The following MEIOB variants were observed in gnomAD, a reference collection of about 807,000 sequenced individuals.
MEIOB encodes the protein meiosis specific with OB-fold, also known as meiosis-specific with OB domain-containing protein.
MEIOB carries 50 observed loss-of-function variants against 53.1 expected under a neutral mutation model. The ratio of observed to expected loss-of-function variants is 0.94; its 90% CI spans 0.75 to 1.19. The LOEUF is 1.19. Among genes scored for constraint, MEIOB ranks in the 50% most tolerant of loss-of-function variants. The pLI is 0.00. For synonymous variants in MEIOB, 192 were observed against 182.5 expected, an observed-to-expected ratio of 1.05 and a Z score of -0.42; for missense variants, 551 against 550.8, an observed-to-expected ratio of 1.00 and a Z score of 0.00.
At chr16:1,834,730 C>G (rs1017564619) in intron 13 of MEIOB, among the ~76,000 whole-genome samples, 1 of 151,620 alleles carries the variant, frequency 6.6e-6, no homozygotes, top group Admixed American at 6.6e-5. Flanking sequence ...GTCAGGAGTT[C>G]GAGACCAGCC....
Position 1,853,233 on chromosome 16 carries a change from A to T in MEIOB, c.668T>A (p.Met223Lys). The T allele has an allele frequency of 6.4e-7, 1 of 1,552,344 alleles. No homozygotes were observed. Among genetic ancestry groups the T allele is most frequent in the Non-Finnish European group, 8.7e-7 (1 of 1,146,650 alleles). Residue 223 changes from methionine (M) to lysine (K), a missense_variant, in exon 8 of 14, where the codon ATG becomes AAG. Coordinates refer to ENST00000325962, the MANE Select transcript of MEIOB (RefSeq NM_001163560.3). The stretch of plus-strand genomic sequence containing the variant: ...AATGATAATACCTGTTTCTCGTGGC[A>T]TCCAGCTCTGTGCAAGTAGAATGGA... ...NESILLAQSW[M>K]PRETVIFASD...
intron 4 of MEIOB, among the ~76,000 whole-genome samples, chr16:1,860,676 G>T (rs1899419854): frequency 6.6e-6 from 1 of 152,004 alleles, no homozygotes; most frequent in South Asian, 2.1e-4. Flanking sequence ...ATCTCCATAT[G>T]TAACTAATAT....
chr16:1,854,093 T>C lies in MEIOB; in HGVS notation c.629+7A>G. 10 of 1,503,734 alleles carry C rather than the reference T, an allele frequency of 6.7e-6. No homozygotes were observed. Among genetic ancestry groups the C allele is most frequent in the Non-Finnish European group, 9.1e-6 (10 of 1,103,874 alleles). 93.1% of individuals were successfully genotyped at this position (1,503,734 alleles called of 1,614,324 possible). On this transcript the variant is annotated splice_region_variant and intron_variant, in intron 7 of 13. Coordinates refer to ENST00000325962, the MANE Select transcript of MEIOB (RefSeq NM_001163560.3). Reference sequence around the variant, plus strand: ...TTTCACAGTTTGGAACAGACATCGGTGTTTACCATGTCATCGCAAAAGACG... The same window carrying C: ...TTTCACAGTTTGGAACAGACATCGGCGTTTACCATGTCATCGCAAAAGACG...
At chr16:1,848,408 T>C (rs949381185) in intron 9 of MEIOB, among the ~76,000 whole-genome samples, 2 of 152,170 alleles carry the variant, frequency 1.3e-5, no homozygotes, top group Non-Finnish European at 2.9e-5. Flanking sequence ...TAGAACTATG[T>C]TACAGAACAT....
intron 10 of MEIOB, 55 bp from the exon 11 acceptor site, chr16:1,842,028 G>T: frequency 8.1e-7 from 1 of 1,228,592 alleles, no homozygotes. Context: ...AATATAAAAG[G>T]TTACATCCGA....
At position 1,857,743 on chromosome 16, in the gene MEIOB, C is replaced by G; in HGVS notation, c.520G>C (p.Val174Leu). 1 of 1,551,002 alleles carries G rather than the reference C, an allele frequency of 6.4e-7. No homozygotes were observed. Among genetic ancestry groups the G allele is most frequent in the Non-Finnish European group, 8.7e-7 (1 of 1,146,746 alleles). ...NGRIINVLAA[V>L]KSVGEPKYFT... ...TCGGGGTTTTAACTTACCGATTTCA[C>G]AGCTGCAAGCACGTTAATAATCCTC... Residue 174 changes from valine to leucine, a missense_variant, in exon 6 of 14, where the codon GTG becomes CTG. By Grantham distance (32) the Val-to-Leu change is conservative (BLOSUM62 1). Coordinates refer to ENST00000325962, the MANE Select transcript of MEIOB (RefSeq NM_001163560.3).
chr16:1,841,941 G>A lies in MEIOB; in HGVS notation c.913C>T (p.Gln305Ter). The A allele has an allele frequency of 1.2e-6, 2 of 1,606,242 alleles. No homozygotes were observed. The highest frequency in any genetic ancestry group is 1.1e-5 in the South Asian group (1 of 89,088). Residue 305 changes from glutamine (Q) to a stop codon, truncating the protein, a stop_gained, in exon 11 of 14, where the codon CAA becomes TAA. Coordinates refer to ENST00000325962, the MANE Select transcript of MEIOB (RefSeq NM_001163560.3). LOFTEE classifies it high-confidence loss of function. ...TTCTTCAAAGCTTTTCCCTTTAATT[G>A]TTCAACTGTGTAGACATCAACTATT... ...STIVDVYTVE[Q>*]LKGKALKNEG...
chr16:1,841,893 A>C lies in MEIOB; in HGVS notation c.961T>G (p.Tyr321Asp). 1 of 1,608,812 alleles carries C rather than the reference A, an allele frequency of 6.2e-7. No homozygotes were observed. Among genetic ancestry groups the C allele is most frequent in the Non-Finnish European group, 8.5e-7 (1 of 1,177,296 alleles). The change falls in exon 11 of 14, where the codon TAT becomes GAT. Residue 321 changes from tyrosine (Y) to aspartate (D), a missense_variant. Physicochemically the swap from Tyr to Asp is radical, Grantham distance 160. Coordinates refer to ENST00000325962, the MANE Select transcript of MEIOB (RefSeq NM_001163560.3). ...GAAATGTAGGCATAAAGGATGCCATAGGAAGGATCAGCTTTTCCTTCATTC... is the reference window on the plus strand; with the variant it reads ...GAAATGTAGGCATAAAGGATGCCATCGGAAGGATCAGCTTTTCCTTCATTC... ...LKNEGKADPS[Y>D]GILYAYISTL... is the part of the protein sequence containing the mutation.
intron 12 of MEIOB, among the ~76,000 whole-genome samples, chr16:1,839,013 T>C (rs1284725433): frequency 6.6e-6 from 1 of 152,172 alleles, no homozygotes; most frequent in East Asian, 1.9e-4. Flanking sequence ...TGTTTATTTA[T>C]CCATTTAGGC....
At chr16:1,864,451 C>G (rs1899531682) in intron 3 of MEIOB, among the ~76,000 whole-genome samples, 1 of 151,000 alleles carries the variant, frequency 6.6e-6, no homozygotes, top group African/African-American at 2.4e-5. Context: ...CCCTCACAGT[C>G]TGATAGGTGA....
intron 2 of MEIOB, among the ~76,000 whole-genome samples, chr16:1,867,462 ATTTTTTTTTTTTT>A (rs869208139): frequency 2.9e-5 from 3 of 102,930 alleles, no homozygotes; most frequent in Admixed American, 1.3e-4. Context: ...AAATGGTTTA[ATTTTTTTTTTTTT>A]TTTTTTTTTT....
intron 9 of MEIOB, among the ~76,000 whole-genome samples, chr16:1,850,145 T>C (rs1899128741): frequency 6.6e-6 from 1 of 152,216 alleles, no homozygotes; most frequent in Non-Finnish European, 1.5e-5. Flanking sequence ...GTCTCATTAA[T>C]GAGATCTTGA....
intron 3 of MEIOB, among the ~76,000 whole-genome samples, 192 bp downstream of exon 3, chr16:1,865,586 G>T (rs554020705): frequency 4.1e-4 from 63 of 152,144 alleles, no homozygotes; most frequent in East Asian, 1.3e-3. Flanking sequence ...TATATATAGA[G>T]AGAGAGAGAG....
chr16:1,849,874 G>A (rs1899119709), intron 9 of MEIOB, among the ~76,000 whole-genome samples: 1 of 152,218 alleles, frequency 6.6e-6, no homozygotes, highest in South Asian at 2.1e-4. Flanking sequence ...AAAATGATAA[G>A]TATGTGAAGT....
chr16:1,869,483 T>C (rs1296063610), intron 1 of MEIOB, among the ~76,000 whole-genome samples: 1 of 151,892 alleles, frequency 6.6e-6, no homozygotes, highest in East Asian at 1.9e-4. Context: ...AGTTTCACTC[T>C]GTTGCCTAGG....
chr16:1,861,754 C>G (rs775636454), intron 4 of MEIOB, among the ~76,000 whole-genome samples: 1 of 151,860 alleles, frequency 6.6e-6, no homozygotes, highest in Non-Finnish European at 1.5e-5. Context: ...AGGCTGGTCT[C>G]GAACTCCTGA....
chr16:1,838,089 CG>C lies in MEIOB; in HGVS notation c.1219-220del, dbSNP rs763969224. 4.1e-5 allele frequency: 32 copies of C among 775,340 alleles called. No individual in the cohort carries two copies. In the South Asian group the frequency reaches 5.9e-4, roughly 14 times the overall value. 48.0% of individuals were successfully genotyped at this position (775,340 alleles called of 1,614,324 possible). A position where few individuals can be genotyped will look rare whatever the true frequency, so the allele number is the denominator to read the frequency against. On this transcript the variant is annotated intron_variant, in intron 12 of 13. Coordinates refer to ENST00000325962, the MANE Select transcript of MEIOB (RefSeq NM_001163560.3). ...ACAGCTCACTGCAGCCTCGAACTCCCGGGGTCAAGCAATCCTCCCTCAGCTT... is the reference window on the plus strand; with the variant it reads ...ACAGCTCACTGCAGCCTCGAACTCCCGGGTCAAGCAATCCTCCCTCAGCTT...
In MEIOB at chr16:1,843,190, G is replaced by T. The variant is rs1898956091; in HGVS notation, c.881-1217C>A. ...CGCCTGTCGTCCCACCTACTCCAGAGGCTGAGGCAGGAGAATGGCGTGAAC... is the reference window on the plus strand; with the variant it reads ...CGCCTGTCGTCCCACCTACTCCAGATGCTGAGGCAGGAGAATGGCGTGAAC... On this transcript the variant is annotated intron_variant, in intron 10 of 13. Coordinates refer to ENST00000325962, the MANE Select transcript of MEIOB (RefSeq NM_001163560.3). Among the ~76,000 whole-genome samples the T allele has an allele frequency of 2.0e-5, 3 of 151,496 alleles. No individual in the cohort carries two copies. The South Asian group carries it at 6.2e-4, about 32-fold the overall frequency.
chr16:1,868,357 G>T (rs946354904), intron 1 of MEIOB, among the ~76,000 whole-genome samples, 173 bp from the exon 2 acceptor site: 1 of 151,952 alleles, frequency 6.6e-6, no homozygotes, highest in African/African-American at 2.4e-5. Context: ...AGGAGTTCAA[G>T]ACCAGCCTGG....
Sources: gnomAD v4.1 joint callset for allele counts (sites outside exome capture counted in the v4.1 genomes callset) on GRCh38, gnomAD v4.1.1 for gene constraint, MANE v1.5 for transcripts, NCBI Gene and HGNC (gene_info 2026-07-23, HGNC 2026-07-21) for gene names.